The following AGBL4 variants were observed in gnomAD, a reference collection of about 807,000 sequenced individuals.
AGBL4 encodes the protein AGBL carboxypeptidase 4, also known as cytosolic carboxypeptidase 6.
A neutral mutation model predicts 66.4 loss-of-function variants in AGBL4; 58 were observed. That is an observed-to-expected ratio of 0.87 (90% CI 0.71 to 1.09). AGBL4 has a LOEUF of 1.09. Among genes scored for constraint, AGBL4 ranks in the 50% least tolerant of loss-of-function variants. The probability of loss-of-function intolerance (pLI) is 0.00; values close to 1 mark genes in which losing one functional copy is unlikely to be tolerated. For missense variants in AGBL4, 579 were observed against 631.0 expected (o/e 0.92, Z 0.88); for synonymous variants, 234 against 222.9 (o/e 1.05, Z -0.44).
chr1:49,815,567 A>G (rs1451988004), intron 2 of AGBL4, among the ~76,000 whole-genome samples: 1 of 151,958 alleles, frequency 6.6e-6, no homozygotes, highest in Non-Finnish European at 1.5e-5. Flanking sequence ...TGGTAGCTCT[A>G]TTTTCATTAA....
intron 2 of AGBL4, among the ~76,000 whole-genome samples, chr1:49,817,819 T>C (rs1449409875): frequency 6.6e-6 from 1 of 152,170 alleles, no homozygotes; most frequent in Non-Finnish European, 1.5e-5. Context: ...TAACATCAAT[T>C]TCCCATGTAA....
intron 3 of AGBL4, among the ~76,000 whole-genome samples, chr1:49,433,248 C>G (rs956213424): frequency 4.6e-5 from 7 of 152,280 alleles, no homozygotes; most frequent in Middle Eastern, 3.4e-3. Context: ...TCATGGGAAT[C>G]CCAATTTGTA....
At chr1:49,020,778 G>A (rs917755202) in intron 5 of AGBL4, among the ~76,000 whole-genome samples, 12 of 152,266 alleles carry the variant, frequency 7.9e-5, no homozygotes, top group Non-Finnish European at 8.8e-5. Context: ...CTGCTATTTT[G>A]TTTCCCAGCT....
Position 49,072,397 on chromosome 1 carries a change from G to A in AGBL4, c.378-26597C>T, listed in dbSNP as rs563659673. Among the ~76,000 whole-genome samples the A allele has an allele frequency of 1.3e-3, 200 of 152,234 alleles. 1 individual carries two copies. The highest frequency in any genetic ancestry group is 4.6e-3 in the African/African-American group (193 of 41,540). On this transcript the variant is annotated intron_variant, in intron 4 of 13. Transcript: ENST00000371839. ...GCTGGTACCGGTTGTCCCTTTCTAT[G>A]TTTAGTGCTTCCTTCAGGAGCTCTT... is the stretch of plus-strand genomic sequence containing the variant.
At chr1:49,038,306 G>A (rs1270230985) in intron 5 of AGBL4, among the ~76,000 whole-genome samples, 18 of 152,054 alleles carry the variant, frequency 1.2e-4, no homozygotes, top group Admixed American at 1.1e-3. Flanking sequence ...CTTGAAAACT[G>A]TCCAAAGTTT....
chr1:48,746,772 A>G (rs1025674742), intron 6 of AGBL4, among the ~76,000 whole-genome samples: 2 of 152,210 alleles, frequency 1.3e-5, no homozygotes, highest in Non-Finnish European at 2.9e-5. Context: ...GGGATTACCA[A>G]AAGCCACCAT....
chr1:49,300,852 C>T (rs1205630712), intron 3 of AGBL4, among the ~76,000 whole-genome samples: 1 of 152,204 alleles, frequency 6.6e-6, no homozygotes, highest in Non-Finnish European at 1.5e-5. Flanking sequence ...TTGTAATCCT[C>T]ATAACTTCAC....
intron 4 of AGBL4, among the ~76,000 whole-genome samples, chr1:49,109,932 A>C (rs868390588): frequency 1.3e-5 from 2 of 152,212 alleles, no homozygotes; most frequent in African/African-American, 4.8e-5. Flanking sequence ...AAAAAACTCC[A>C]ATTATCTTTT....
chr1:49,310,253 T>C (rs1644920226), intron 3 of AGBL4, among the ~76,000 whole-genome samples: 1 of 151,990 alleles, frequency 6.6e-6, no homozygotes, highest in Non-Finnish European at 1.5e-5. Flanking sequence ...CTGAGGGAAG[T>C]AGGAAGTCAC....
chr1:49,296,082 T>A lies in AGBL4; in HGVS notation c.283-50218A>T, dbSNP rs545643951. ...TGTCAACTAAGACCCTTAAAAATGT[T>A]TCAATTATCCCAATTTTGTTAAAGT... On this transcript the variant is annotated intron_variant, in intron 3 of 13. Coordinates refer to ENST00000371839, the MANE Select transcript of AGBL4 (RefSeq NM_032785.4). Among the ~76,000 whole-genome samples, 19 of 152,294 alleles carry A rather than the reference T, an allele frequency of 1.2e-4. No homozygotes were observed. In the East Asian group the frequency reaches 3.1e-3, roughly 25 times the overall value.
intron 2 of AGBL4, among the ~76,000 whole-genome samples, chr1:49,718,858 C>T (rs1005876143): frequency 1.1e-4 from 16 of 152,024 alleles, no homozygotes; most frequent in African/African-American, 3.9e-4. Context: ...AGAAAAACTA[C>T]ATAAAATAAT....
intron 4 of AGBL4, among the ~76,000 whole-genome samples, chr1:49,239,456 G>T (rs188307331): frequency 6.6e-6 from 1 of 151,816 alleles, no homozygotes; most frequent in Non-Finnish European, 1.5e-5. Context: ...CCCAGCAATA[G>T]GAATATGATA....
chr1:49,593,958 A>G (rs1239196831), intron 3 of AGBL4, among the ~76,000 whole-genome samples: 2 of 152,188 alleles, frequency 1.3e-5, no homozygotes, highest in Non-Finnish European at 2.9e-5. Flanking sequence ...AATATAATAT[A>G]TATGGAAGTA....
intron 3 of AGBL4, among the ~76,000 whole-genome samples, chr1:49,283,505 C>CA (rs1644329688): frequency 6.6e-6 from 1 of 152,210 alleles, no homozygotes. Context: ...AGCAACGGAA[C>CA]AAAGCTGGAT....
In AGBL4 at chr1:49,113,523, G is replaced by T. The variant is rs1196726349; in HGVS notation, c.378-67723C>A. 2.0e-5 allele frequency among the ~76,000 whole-genome samples: 3 copies of T among 152,280 alleles called. No individual in the cohort carries two copies. In the South Asian group the frequency reaches 6.2e-4, roughly 32 times the overall value. On this transcript the variant is annotated intron_variant, in intron 4 of 13. Transcript: ENST00000371839. ...CTGCCTCAGCCTCCCAAAGAGCTGG[G>T]CTTACAGCCATGAGCCACTGCGCCC...
rs186500215 is a variant in AGBL4 at position 49,045,377 on chromosome 1, G to A, written c.594+207C>T. ...CTGTGACTTCCTGGTGCCCACAGTCGCAATAAATCACACAATAAAAACAAT... is the reference window on the plus strand; with the variant it reads ...CTGTGACTTCCTGGTGCCCACAGTCACAATAAATCACACAATAAAAACAAT... On this transcript the variant is annotated intron_variant, in intron 5 of 13. Coordinates refer to ENST00000371839, the MANE Select transcript of AGBL4 (RefSeq NM_032785.4). 1.7e-3 allele frequency among the ~76,000 whole-genome samples: 260 copies of A among 151,996 alleles called. 4 individuals are homozygous for A. Among genetic ancestry groups the A allele is most frequent in the African/African-American group, 5.7e-3 (238 of 41,432 alleles).
chr1:49,913,057 C>A (rs1391109920), intron 1 of AGBL4, among the ~76,000 whole-genome samples: 1 of 152,166 alleles, frequency 6.6e-6, no homozygotes, highest in Non-Finnish European at 1.5e-5. Flanking sequence ...GCTGGCACCC[C>A]AAATCTCATT....
At chr1:48,788,016 A>G (rs1028832931) in intron 6 of AGBL4, among the ~76,000 whole-genome samples, 13 of 152,264 alleles carry the variant, frequency 8.5e-5, no homozygotes, top group African/African-American at 2.9e-4. Flanking sequence ...GTATATGGCA[A>G]TATGAAAAGT....
intron 3 of AGBL4, among the ~76,000 whole-genome samples, chr1:49,444,643 T>C (rs1646112063): frequency 6.6e-6 from 1 of 152,036 alleles, no homozygotes; most frequent in Non-Finnish European, 1.5e-5. Flanking sequence ...TTTCCATCCC[T>C]TTACTTCTAG....
Sources: allele counts gnomAD v4.1 joint callset (sites outside exome capture counted in the v4.1 genomes callset), GRCh38; gene constraint gnomAD v4.1.1; transcripts MANE v1.5; gene names NCBI Gene and HGNC (gene_info 2026-07-23, HGNC 2026-07-21).